KDM5B: variants seen among roughly 807,000 people sequenced by gnomAD.
The protein encoded by KDM5B is lysine demethylase 5B.
In KDM5B, 144 loss-of-function variants were observed where a neutral mutation model predicts 193.4. That is an observed-to-expected ratio of 0.74 (90% CI 0.65 to 0.86). KDM5B has a LOEUF of 0.86. KDM5B is among the 40% of genes least tolerant of loss of function. The pLI is 0.00. For missense variants in KDM5B, 1,833 were observed against 1,886.9 expected (o/e 0.97, Z 0.53); for synonymous variants, 668 against 682.6 (o/e 0.98, Z 0.33).
At chr1:202,769,040 CTTTTTTTTTTTTTT>C (rs1558502899) in intron 4 of KDM5B, among the ~76,000 whole-genome samples, 2 of 119,602 alleles carry the variant, frequency 1.7e-5, no homozygotes, top group African/African-American at 6.2e-5. Flanking sequence ...CTTTTTTTTT[CTTTTTTTTTTTTTT>C]GAGACAGAGT....
At chr1:202,791,280 C>G (rs1657631125) in intron 1 of KDM5B, among the ~76,000 whole-genome samples, 1 of 152,122 alleles carries the variant, frequency 6.6e-6, no homozygotes, top group South Asian at 2.1e-4. Context: ...TTTTGAATGG[C>G]TGCCTGGTAT....
intron 1 of KDM5B, among the ~76,000 whole-genome samples, chr1:202,807,496 G>A (rs1658348847): frequency 2.0e-5 from 3 of 152,020 alleles, no homozygotes; most frequent in Middle Eastern, 3.4e-3. Flanking sequence ...GGAGGCCCGG[G>A]GACCAGGCGG....
In KDM5B at chr1:202,749,025, C is replaced by A; in HGVS notation, c.1936G>T (p.Val646Leu). 1 of 1,614,098 alleles carries A rather than the reference C, an allele frequency of 6.2e-7. No homozygotes were observed. The highest frequency in any genetic ancestry group is 8.5e-7 in the Non-Finnish European group (1 of 1,179,988). The change falls in exon 14 of 27, where the codon GTA (valine) becomes TTA (leucine). Residue 646 changes from valine to leucine, a missense_variant. Val to Leu is a conservative substitution (Grantham distance 32). Around this residue, in one of 3 missense-constraint regions of KDM5B, gnomAD observed 1,379 missense variants for 1,349.6 expected, o/e 1.02. Coordinates refer to ENST00000367265, the MANE Select transcript of KDM5B (RefSeq NM_006618.5). ...TCTTTCTGAACAGTTGAAGCCACTA[C>A]AACATCTAATACATCAGCCTTGGAA... ...MASKADVLDV[V>L]VASTVQKDMA...
chr1:202,730,952 T>G lies in KDM5B; in HGVS notation c.4133A>C (p.Gln1378Pro), dbSNP rs768123897. The change falls in exon 25 of 27, where the codon CAG (glutamine) becomes CCG (proline). Residue 1378 changes from glutamine to proline, a missense_variant. Physicochemically the swap from Gln to Pro is moderately conservative, Grantham distance 76 (BLOSUM62 -1). Around this residue, in one of 3 missense-constraint regions of KDM5B, gnomAD observed 1,379 missense variants for 1,349.6 expected, o/e 1.02. Coordinates refer to ENST00000367265, the MANE Select transcript of KDM5B (RefSeq NM_006618.5). Reference protein sequence around the residue: ...QTLLAKPSPAQQTDRSSPVRP... With the variant: ...QTLLAKPSPAPQTDRSSPVRP... ...CACTGGTGAGCTTCGGTCAGTCTGCTGAGCAGGGCTTGGCTTTGCAAGTAA... is the reference window on the plus strand; with the variant it reads ...CACTGGTGAGCTTCGGTCAGTCTGCGGAGCAGGGCTTGGCTTTGCAAGTAA... 1 of 1,613,312 alleles carries G rather than the reference T, an allele frequency of 6.2e-7. No homozygotes were observed.
At chr1:202,783,066 C>T (rs371422945) in intron 1 of KDM5B, among the ~76,000 whole-genome samples, 21 of 151,992 alleles carry the variant, frequency 1.4e-4, no homozygotes, top group African/African-American at 4.6e-4. Context: ...GCCAACATGG[C>T]GAAATCCCAT....
chr1:202,729,885 A>T lies in KDM5B; in HGVS notation c.4319T>A (p.Leu1440Gln). 6.2e-7 allele frequency: 1 copy of T among 1,614,126 alleles called. No homozygotes were observed. Among genetic ancestry groups the T allele is most frequent in the Non-Finnish European group, 8.5e-7 (1 of 1,179,998 alleles). ...MRTPKKKKIK[L>Q]SHPKDMNNFK... ...ATTGTTCATGTCCTTGGGGTGGCTC[A>T]GTTTGATTTTCTTCTTTTTGGGGGT... Residue 1440 changes from leucine (L) to glutamine (Q), a missense_variant, in exon 26 of 27, where the codon CTG becomes CAG. By Grantham distance (113) the Leu-to-Gln change is moderately radical. This residue lies in a region of KDM5B where 1,379 missense variants were observed against 1,349.6 expected (regional missense o/e 1.02). Coordinates refer to ENST00000367265, the MANE Select transcript of KDM5B (RefSeq NM_006618.5).
At chr1:202,730,865 C>A (rs1301689811) in intron 25 of KDM5B, 44 bp downstream of exon 25, 4 of 1,535,338 alleles carry the variant, frequency 2.6e-6, no homozygotes, top group Non-Finnish European at 3.5e-6. Flanking sequence ...AGCATACCCC[C>A]ACCCCAGACT....
Position 202,808,342 on chromosome 1 carries a change from T to A in KDM5B, c.-37A>T. 1 of 1,518,492 alleles carries A rather than the reference T, an allele frequency of 6.6e-7. No individual in the cohort carries two copies. Among genetic ancestry groups the A allele is most frequent in the Middle Eastern group, 2.4e-4 (1 of 4,198 alleles). 94.1% of individuals were successfully genotyped at this position (1,518,492 alleles called of 1,614,324 possible). A position where few individuals can be genotyped will look rare whatever the true frequency, so the allele number is the denominator to read the frequency against. ...GGGCAAGGGCGAGGCGAAGGTGGGC[T>A]CCGGGACCGAGGCTGCGAGCTCCGC... is the stretch of plus-strand genomic sequence containing the variant. On this transcript the variant is annotated 5_prime_UTR_variant, in exon 1 of 27. Transcript: ENST00000367265.
chr1:202,742,754 G>A lies in KDM5B; in HGVS notation c.2375C>T (p.Pro792Leu). 1.2e-6 allele frequency: 2 copies of A among 1,614,102 alleles called. No homozygotes were observed. Among genetic ancestry groups the A allele is most frequent in the Non-Finnish European group, 1.7e-6 (2 of 1,179,954 alleles). Residue 792 changes from proline (P) to leucine (L), a missense_variant, in exon 17 of 27, where the codon CCA (proline) becomes CTA (leucine). Physicochemically the swap from Pro to Leu is moderately conservative, Grantham distance 98 (BLOSUM62 -3). Around this residue, in one of 3 missense-constraint regions of KDM5B, gnomAD observed 1,379 missense variants for 1,349.6 expected, o/e 1.02. Transcript: ENST00000367265. ...AAGGTGTCGCAAAAGATCATTGTCT[G>A]GGAATTTCTTCATTTCAGATTCTTC... ...LIEESEMKKF[P>L]DNDLLRHLRL...
chr1:202,808,408 A>G lies in KDM5B; in HGVS notation c.-103T>C, dbSNP rs995116338. 1.4e-4 allele frequency: 149 copies of G among 1,097,814 alleles called. 1 individual carries two copies. The highest frequency in any genetic ancestry group is 6.0e-5 in the Non-Finnish European group (47 of 789,148). The allele number at this position is 1,097,814 out of a possible 1,614,324, so 68.0% of individuals were successfully genotyped here. On this transcript the variant is annotated 5_prime_UTR_variant, in exon 1 of 27. Transcript: ENST00000367265. ...TGCAGACGCGGCTCGAGCAACAGCA[A>G]GTCCGAGTTGTACGGGCAACGGCAG...
intron 2 of KDM5B, among the ~76,000 whole-genome samples, chr1:202,775,544 A>C (rs1656907062): frequency 6.7e-6 from 1 of 148,432 alleles, no homozygotes; most frequent in South Asian, 2.1e-4. Context: ...CTCAATAAAA[A>C]AGAAAAATAA....
At chr1:202,787,722 T>A (rs956002513) in intron 1 of KDM5B, among the ~76,000 whole-genome samples, 64 of 145,450 alleles carry the variant, frequency 4.4e-4, no homozygotes, top group Non-Finnish European at 7.9e-4. Flanking sequence ...GTCTCTACTT[T>A]AAAAAAAAAA....
chr1:202,758,886 A>G (rs1183952338), intron 8 of KDM5B: 2 of 158,628 alleles, frequency 1.3e-5, no homozygotes, highest in Non-Finnish European at 2.8e-5. Flanking sequence ...CAATAGATCA[A>G]AATAGAGATA....
At chr1:202,733,954 C>T in intron 22 of KDM5B, 68 bp from the exon 23 acceptor site, 2 of 1,533,278 alleles carry the variant, frequency 1.3e-6, no homozygotes, top group Non-Finnish European at 1.8e-6. Context: ...ACTCAGAGTC[C>T]TAGTGGTTAA....
intron 19 of KDM5B, 26 bp from the exon 20 acceptor site, chr1:202,740,838 T>A: frequency 1.1e-5 from 17 of 1,580,398 alleles, no homozygotes; most frequent in Non-Finnish European, 1.5e-5. Flanking sequence ...AAAGACTTCT[T>A]AGCATTTTAT....
chr1:202,759,470 G>A (rs913065304), intron 8 of KDM5B, among the ~76,000 whole-genome samples: 10 of 151,756 alleles, frequency 6.6e-5, no homozygotes, highest in African/African-American at 2.4e-4. Flanking sequence ...GAGCTGGGGA[G>A]GCGGAGGTTG....
chr1:202,774,702 G>C lies in KDM5B; in HGVS notation c.316C>G (p.Gln106Glu). The C allele has an allele frequency of 1.9e-6, 3 of 1,612,676 alleles. 1 individual carries two copies. In the South Asian group the frequency reaches 3.3e-5, roughly 18 times the overall value. The stretch of plus-strand genomic sequence containing the variant: ...TGTAACTCCCAGTACTTTGCAATCT[G>C]GTCCAAGAAATTCAATTTTACACGA... ...QTRVKLNFLD[Q>E]IAKYWELQGS... Residue 106 changes from glutamine to glutamate, a missense_variant, in exon 3 of 27, where the codon CAG becomes GAG. Around this residue, in one of 3 missense-constraint regions of KDM5B, gnomAD observed 355 missense variants for 374.9 expected, o/e 0.95. Transcript: ENST00000367265.
intron 1 of KDM5B, among the ~76,000 whole-genome samples, chr1:202,805,835 A>T (rs546386726): frequency 6.6e-6 from 1 of 152,354 alleles, no homozygotes; most frequent in African/African-American, 2.4e-5. Context: ...TTGTGGTTAT[A>T]TCAACAACAA....
chr1:202,798,244 A>G (rs533213426), intron 1 of KDM5B, among the ~76,000 whole-genome samples: 3 of 151,946 alleles, frequency 2.0e-5, no homozygotes, highest in Admixed American at 1.3e-4. Context: ...GTCTAAACCA[A>G]TTGAAGGATT....
Sources: gnomAD v4.1 joint callset for allele counts (sites outside exome capture counted in the v4.1 genomes callset) on GRCh38, gnomAD v4.1.1 for gene constraint, gnomAD v4.1.1 regional missense constraint, MANE v1.5 for transcripts, NCBI Gene and HGNC (gene_info 2026-07-23, HGNC 2026-07-21) for gene names.